Variants in UGT1A5 observed in about 807,000 individuals in gnomAD.
The protein encoded by UGT1A5 is UDP-glucuronosyltransferase 1A5.
A neutral mutation model predicts 40.3 loss-of-function variants in UGT1A5; 29 were observed. The ratio of observed to expected loss-of-function variants is 0.72; its 90% CI spans 0.54 to 0.98. The LOEUF is 0.98. UGT1A5 is among the 50% of genes least tolerant of loss of function. The pLI, the probability that UGT1A5 is intolerant of heterozygous loss-of-function variation, is 0.00. For missense variants in UGT1A5, 678 were observed against 677.9 expected (o/e 1.00, Z 0.00); for synonymous variants, 257 against 262.5 (o/e 0.98, Z 0.20).
intron 1 of UGT1A5, chr2:233,754,417 C>A (rs964577009): frequency 5.9e-6 from 2 of 341,006 alleles, no homozygotes; most frequent in Non-Finnish European, 1.2e-5. Flanking sequence ...ACAATAAAGA[C>A]AGGCATTGGC....
chr2:233,747,886 A>G, intron 1 of UGT1A5: 2 of 1,613,554 alleles, frequency 1.2e-6, no homozygotes, highest in South Asian at 1.1e-5. Flanking sequence ...TACCTTTGCC[A>G]TGCTCTTTCT....
At chr2:233,725,740 A>G (rs2077471611) in intron 1 of UGT1A5, among the ~76,000 whole-genome samples, 1 of 152,228 alleles carries the variant, frequency 6.6e-6, no homozygotes. Context: ...AAATGTAAAC[A>G]TTGTAAGAGA....
chr2:233,724,289 T>C (rs1391719370), intron 1 of UGT1A5, among the ~76,000 whole-genome samples: 13 of 129,340 alleles, frequency 1.0e-4, no homozygotes, highest in African/African-American at 3.0e-4. Flanking sequence ...GGCGGGGGGC[T>C]GACCCCCCCA....
rs2076327329 is a variant in UGT1A5 at position 233,713,523 on chromosome 2, T to C, written c.532T>C (p.Cys178Arg). ...TGTGTTTTTCTTGAGGAACATTCCA[T>C]GTGATTTAGACTTTAAGGGCACACA... is the stretch of plus-strand genomic sequence containing the variant. ...PAVFFLRNIP[C>R]DLDFKGTQCP... The change falls in exon 1 of 5, where the codon TGT (cysteine) becomes CGT (arginine). Residue 178 changes from cysteine to arginine, a missense_variant. Transcript: ENST00000373414. 6.2e-7 allele frequency: 1 copy of C among 1,613,946 alleles called. No individual in the cohort carries two copies.
chr2:233,759,342 C>A (rs1337999825), intron 1 of UGT1A5, among the ~76,000 whole-genome samples: 1 of 152,112 alleles, frequency 6.6e-6, no homozygotes, highest in Non-Finnish European at 1.5e-5. Flanking sequence ...TTCAGGTGAG[C>A]GCTGAAAATC....
Position 233,713,840 on chromosome 2 carries a change from C to T in UGT1A5, c.849C>T (p.Asn283=), listed in dbSNP as rs149208140. The T allele has an allele frequency of 4.2e-3, 6,793 of 1,614,012 alleles. 23 individuals carry two copies. Among genetic ancestry groups the T allele is most frequent in the Non-Finnish European group, 5.2e-3 (6,094 of 1,179,958 alleles). The change falls in exon 1 of 5, where the codon AAC becomes AAT. Residue 283 remains asparagine (N), a synonymous_variant. Transcript: ENST00000373414. ...MVFIGGINCA[N]GKPLSQEFEA... ...TCATTGGGGGCATCAACTGTGCCAA[C>T]GGGAAGCCACTATCTCAGGTCTGTA...
intron 1 of UGT1A5, among the ~76,000 whole-genome samples, chr2:233,752,133 G>T (rs1347949695): frequency 6.6e-6 from 1 of 152,170 alleles, no homozygotes; most frequent in African/African-American, 2.4e-5. Context: ...TGGACAGAAA[G>T]GATCATTCCC....
chr2:233,743,462 C>A (rs372766492), intron 1 of UGT1A5: 25 of 1,366,220 alleles, frequency 1.8e-5, no homozygotes, highest in Middle Eastern at 2.1e-4. Flanking sequence ...GAAAAAACAC[C>A]CCCAAAAGCT....
At chr2:233,766,592 C>T (rs1699195975) in intron 1 of UGT1A5, among the ~76,000 whole-genome samples, 1 of 152,146 alleles carries the variant, frequency 6.6e-6, no homozygotes, top group Admixed American at 6.5e-5. Flanking sequence ...GGAGCCCTCG[C>T]CAGGGACCAC....
chr2:233,732,960 T>C (rs2078342290), intron 1 of UGT1A5, among the ~76,000 whole-genome samples: 1 of 152,142 alleles, frequency 6.6e-6, no homozygotes, highest in South Asian at 2.1e-4. Context: ...TGTTCTTCCA[T>C]TTGTTTGTGT....
At chr2:233,728,864 C>G (rs2077757785) in intron 1 of UGT1A5, among the ~76,000 whole-genome samples, 1 of 152,164 alleles carries the variant, frequency 6.6e-6, no homozygotes, top group African/African-American at 2.4e-5. Flanking sequence ...GAAACAAGAG[C>G]TTGAACTTGG....
At chr2:233,726,090 G>A (rs962783366) in intron 1 of UGT1A5, among the ~76,000 whole-genome samples, 6 of 152,132 alleles carry the variant, frequency 3.9e-5, no homozygotes, top group African/African-American at 1.4e-4. Context: ...TACTTGATCC[G>A]AGGAGGTGGA....
Position 233,712,954 on chromosome 2 carries a change from G to T in UGT1A5, c.-38G>T, listed in dbSNP as rs367675101. On this transcript the variant is annotated 5_prime_UTR_variant, in exon 1 of 5. Coordinates refer to ENST00000373414, the MANE Select transcript of UGT1A5 (RefSeq NM_019078.2). ...AGGAAACAATTCTAGGAGGCACAAC[G>T]TGGGGTGGACAGTCAGCTGTCGGTG... 79 of 1,612,730 alleles carry T rather than the reference G, an allele frequency of 4.9e-5. No individual in the cohort carries two copies. In the African/African-American group the frequency reaches 8.8e-4, roughly 18 times the overall value.
At chr2:233,753,561 G>A (rs1235204227) in intron 1 of UGT1A5, 1 of 152,192 alleles carries the variant, frequency 6.6e-6, no homozygotes, top group African/African-American at 2.4e-5. Flanking sequence ...GACCCTAGAA[G>A]ATGGGACCCT....
At chr2:233,734,694 A>G (rs1291043334) in intron 1 of UGT1A5, among the ~76,000 whole-genome samples, 5 of 149,240 alleles carry the variant, frequency 3.4e-5, no homozygotes, top group Non-Finnish European at 7.3e-5. Flanking sequence ...AATGTGTCCC[A>G]GAGATTCTGG....
intron 1 of UGT1A5, among the ~76,000 whole-genome samples, chr2:233,748,366 G>A (rs1693927110): frequency 1.3e-5 from 2 of 151,774 alleles, no homozygotes; most frequent in Admixed American, 1.3e-4. Context: ...CCATCTTCAT[G>A]GTTGTGCATG....
chr2:233,719,268 T>C (rs12468274), intron 1 of UGT1A5: 110,466 of 1,614,086 alleles, frequency 0.068, 5,154 homozygotes, highest in South Asian at 0.18. Context: ...TGATGTGGTT[T>C]TAACAGACCC....
chr2:233,767,849 G>A lies in UGT1A5; in HGVS notation c.1000G>A (p.Val334Ile). ...ADALGKIPQT[V>I]LWRYTGTRPS... ...GTTCTGCTCTTTTTGCCCCTCCCAG[G>A]TCCTGTGGCGGTACACTGGAACCCG... The change falls in exon 3 of 5, where the codon GTC becomes ATC. Residue 334 changes from valine (V) to isoleucine (I), a missense_variant and splice_region_variant. Transcript: ENST00000373414. The A allele has an allele frequency of 1.2e-6, 2 of 1,613,920 alleles. No homozygotes were observed. The highest frequency in any genetic ancestry group is 1.7e-6 in the Non-Finnish European group (2 of 1,180,010).
At chr2:233,761,125 T>C (rs754213125) in intron 1 of UGT1A5, 1 of 1,614,252 alleles carries the variant, frequency 6.2e-7, no homozygotes, top group Non-Finnish European at 8.5e-7. Context: ...TGGAATCAAC[T>C]GCCTTCACCA....
Sources: gnomAD v4.1 joint callset for allele counts (sites outside exome capture counted in the v4.1 genomes callset) on GRCh38, gnomAD v4.1.1 for gene constraint, MANE v1.5 for transcripts, NCBI Gene and HGNC (gene_info 2026-07-23, HGNC 2026-07-21) for gene names.